The following MCC variants were observed in gnomAD, a reference collection of about 807,000 sequenced individuals.
MCC encodes the protein MCC regulator of Wnt signaling pathway.
In MCC, 90 loss-of-function variants were observed where a neutral mutation model predicts 116.2. That is an observed-to-expected ratio of 0.77 (90% CI 0.65 to 0.92). The LOEUF (loss-of-function observed/expected upper bound fraction) is 0.92. Ranked by LOEUF, MCC falls within the 40% of genes least tolerant of loss-of-function variation. The pLI, the probability that MCC is intolerant of heterozygous loss-of-function variation, is 0.00. For missense variants in MCC, 1,516 were observed against 1,312.2 expected (o/e 1.16, Z -2.40); for synonymous variants, 578 against 510.5 (o/e 1.13, Z -1.78).
intron 3 of MCC, among the ~76,000 whole-genome samples, chr5:113,221,778 C>T (rs1006054718): frequency 6.6e-6 from 1 of 152,164 alleles, no homozygotes; most frequent in Non-Finnish European, 1.5e-5. Context: ...ACAATCAGAA[C>T]TCCCGATTCA....
At chr5:113,086,669 G>T (rs1755217859) in intron 8 of MCC, among the ~76,000 whole-genome samples, 2 of 152,160 alleles carry the variant, frequency 1.3e-5, no homozygotes, top group Non-Finnish European at 2.9e-5. Context: ...GCTAGAGATT[G>T]GTCTTTTATA....
intron 3 of MCC, among the ~76,000 whole-genome samples, chr5:113,253,496 C>G (rs1002220824): frequency 2.6e-5 from 4 of 152,096 alleles, no homozygotes; most frequent in Non-Finnish European, 5.9e-5. Context: ...AAAGTGAAAC[C>G]TGCTCTTTGA....
At chr5:113,226,036 T>G (rs1457579396) in intron 3 of MCC, among the ~76,000 whole-genome samples, 3 of 152,154 alleles carry the variant, frequency 2.0e-5, no homozygotes, top group African/African-American at 4.8e-5. Context: ...ATTAGCCAGG[T>G]GCGGTGGCAG....
chr5:113,088,464 G>A (rs546607124), intron 8 of MCC, among the ~76,000 whole-genome samples: 2 of 150,706 alleles, frequency 1.3e-5, no homozygotes, highest in South Asian at 2.2e-4. Context: ...GAATGTGACC[G>A]CATCTCAAAA....
At chr5:113,110,791 G>T (rs901941832) in intron 6 of MCC, among the ~76,000 whole-genome samples, 1 of 152,166 alleles carries the variant, frequency 6.6e-6, no homozygotes, top group Non-Finnish European at 1.5e-5. Context: ...ATGGTGTCTG[G>T]CATGGCCTTT....
intron 1 of MCC, among the ~76,000 whole-genome samples, chr5:113,398,826 A>G (rs1769602384): frequency 1.3e-5 from 2 of 152,216 alleles, no homozygotes; most frequent in Admixed American, 1.3e-4. Flanking sequence ...ATTTCCAATA[A>G]GCAACTTTCT....
At chr5:113,165,741 C>G (rs567454181) in intron 3 of MCC, among the ~76,000 whole-genome samples, 41 of 152,280 alleles carry the variant, frequency 2.7e-4, no homozygotes, top group African/African-American at 9.9e-4. Flanking sequence ...GCACCGTCTT[C>G]CAACCTGTAA....
chr5:113,187,729 T>C (rs1761962403), intron 3 of MCC, among the ~76,000 whole-genome samples: 1 of 139,138 alleles, frequency 7.2e-6, no homozygotes, highest in Admixed American at 7.7e-5. Flanking sequence ...CACTCCGGCC[T>C]GGGCGACTGA....
At chr5:113,269,401 A>T (rs1190466093) in intron 3 of MCC, among the ~76,000 whole-genome samples, 2 of 152,184 alleles carry the variant, frequency 1.3e-5, no homozygotes, top group East Asian at 3.8e-4. Context: ...AGGACACATC[A>T]AAAAAACACT....
At chr5:113,066,440 G>C (rs1753609429) in intron 13 of MCC, among the ~76,000 whole-genome samples, 1 of 152,120 alleles carries the variant, frequency 6.6e-6, no homozygotes, top group Non-Finnish European at 1.5e-5. Context: ...GTTTCTAATG[G>C]AAATGCTGGC....
intron 11 of MCC, among the ~76,000 whole-genome samples, chr5:113,080,288 C>A (rs185203115): frequency 1.3e-5 from 2 of 152,318 alleles, no homozygotes; most frequent in African/African-American, 4.8e-5. Flanking sequence ...TTTGACCCAG[C>A]CATCCCATTA....
intron 6 of MCC, among the ~76,000 whole-genome samples, chr5:113,106,604 G>T (rs1561355228): frequency 6.6e-6 from 1 of 152,084 alleles, no homozygotes. Context: ...ACAATCCTGT[G>T]GAGTACAGGC....
chr5:113,388,150 T>A (rs760217917), intron 1 of MCC, among the ~76,000 whole-genome samples: 19 of 152,200 alleles, frequency 1.2e-4, no homozygotes, highest in Non-Finnish European at 2.1e-4. Context: ...GAGTAGAATG[T>A]GTAACACTGA....
chr5:113,427,282 A>C (rs1398860754), intron 1 of MCC, among the ~76,000 whole-genome samples: 2 of 152,210 alleles, frequency 1.3e-5, no homozygotes, highest in East Asian at 3.8e-4. Flanking sequence ...CCTAATATGC[A>C]ATTAAAGCAA....
intron 13 of MCC, among the ~76,000 whole-genome samples, chr5:113,065,037 G>A (rs971088722): frequency 1.2e-4 from 18 of 152,154 alleles, no homozygotes; most frequent in Non-Finnish European, 2.2e-4. Context: ...GCCAGGGGAT[G>A]GGGTTGGGGG....
At chr5:113,175,137 A>G (rs1330715116) in intron 3 of MCC, among the ~76,000 whole-genome samples, 1 of 152,194 alleles carries the variant, frequency 6.6e-6, no homozygotes, top group Non-Finnish European at 1.5e-5. Context: ...GGCCATGTGT[A>G]GCTTTTGTGC....
chr5:113,169,450 T>G (rs1442149240), intron 3 of MCC, among the ~76,000 whole-genome samples: 1 of 152,100 alleles, frequency 6.6e-6, no homozygotes, highest in African/African-American at 2.4e-5. Flanking sequence ...ATAACCAGCA[T>G]GGACCAGCAA....
At chr5:113,047,271 A>G (rs1375705469) in intron 16 of MCC, among the ~76,000 whole-genome samples, 1 of 152,200 alleles carries the variant, frequency 6.6e-6, no homozygotes, top group African/African-American at 2.4e-5. Flanking sequence ...TTCCTAGAGG[A>G]CAGACTGCCT....
At chr5:113,139,618 G>T (rs1224841083) in intron 5 of MCC, among the ~76,000 whole-genome samples, 1 of 152,196 alleles carries the variant, frequency 6.6e-6, no homozygotes, top group Non-Finnish European at 1.5e-5. Context: ...ATGCTGGAGA[G>T]GATGTGGAGA....
Sources: allele counts gnomAD v4.1 joint callset (sites outside exome capture counted in the v4.1 genomes callset), GRCh38; gene constraint gnomAD v4.1.1; transcripts MANE v1.5; gene names NCBI Gene and HGNC (gene_info 2026-07-23, HGNC 2026-07-21).